NSG1: variants seen among roughly 807,000 people sequenced by gnomAD.
NSG1 encodes neuronal vesicle trafficking-associated protein 1.
Under a neutral mutation model 19.3 loss-of-function variants are expected in NSG1, and 9 were observed. The observed-to-expected ratio is 0.47, with a 90% CI of 0.28 to 0.81. The LOEUF (loss-of-function observed/expected upper bound fraction) is 0.81. NSG1 is among the 40% of genes least tolerant of loss of function. The pLI is 0.11. For missense variants in NSG1, 236 were observed against 242.4 expected, an observed-to-expected ratio of 0.97 and a Z score of 0.18; for synonymous variants, 104 against 107.0, an observed-to-expected ratio of 0.97 and a Z score of 0.17.
chr4:4,413,872 G>T (rs1271595170), intron 4 of NSG1, among the ~76,000 whole-genome samples: 1 of 151,952 alleles, frequency 6.6e-6, no homozygotes, highest in African/African-American at 2.4e-5. Context: ...GCAGACTGGA[G>T]AACTGATTTA....
intron 3 of NSG1, among the ~76,000 whole-genome samples, chr4:4,406,853 G>T (rs1458787347): frequency 6.6e-6 from 1 of 152,320 alleles, no homozygotes; most frequent in South Asian, 2.1e-4. Flanking sequence ...CAGGGCTTGC[G>T]GCTATCATCG....
chr4:4,402,047 ATTTTTTTTT>A (rs35299425), intron 3 of NSG1, among the ~76,000 whole-genome samples: 8 of 122,310 alleles, frequency 6.5e-5, no homozygotes, highest in South Asian at 2.7e-4. Flanking sequence ...TGCCCAGCTA[ATTTTTTTTT>A]TTTTTTTTTT....
In NSG1 at chr4:4,418,582, A is replaced by G. The variant is rs1724723337; in HGVS notation, c.*1147A>G. On this transcript the variant is annotated 3_prime_UTR_variant, in exon 5 of 5. Transcript: ENST00000621129. ...GATGAACTAAGTGTGTAAAACAAAT[A>G]GAAAAGACATTCGCAGACATTTCTT... The G allele has an allele frequency of 6.5e-6, 1 of 152,678 alleles. No individual in the cohort carries two copies. Among genetic ancestry groups the G allele is most frequent in the South Asian group, 2.1e-4 (1 of 4,830 alleles). The allele number at this position is 152,678 out of a possible 1,614,324, so 9.5% of individuals were successfully genotyped here.
In NSG1 at chr4:4,409,624, C is replaced by T. The variant is rs897962872; in HGVS notation, c.298C>T (p.Leu100=). The T allele has an allele frequency of 6.2e-7, 1 of 1,614,056 alleles. No individual in the cohort carries two copies. The stretch of plus-strand genomic sequence containing the variant: ...GGCCTTCCTCACCTGCGTCGTCTTC[C>T]TGGTTGTCTACAAGGTGTACAAGTA... ...ALAFLTCVVF[L]VVYKVYKYDR... The change falls in exon 4 of 5, where the codon CTG becomes TTG. Residue 100 remains leucine (L), a synonymous_variant. Transcript: ENST00000621129.
chr4:4,407,996 C>T (rs1053430690), intron 3 of NSG1, among the ~76,000 whole-genome samples: 1 of 152,126 alleles, frequency 6.6e-6, no homozygotes, highest in Non-Finnish European at 1.5e-5. Context: ...GACCATGCTG[C>T]ACGGCTGATA....
chr4:4,389,288 A>T (rs1722883073), intron 2 of NSG1, among the ~76,000 whole-genome samples: 1 of 152,200 alleles, frequency 6.6e-6, no homozygotes, highest in African/African-American at 2.4e-5. Flanking sequence ...GTCGACCAGG[A>T]GTAGCCTAGG....
chr4:4,402,536 C>A (rs926989320), intron 3 of NSG1, among the ~76,000 whole-genome samples: 1 of 151,564 alleles, frequency 6.6e-6, no homozygotes, highest in Non-Finnish European at 1.5e-5. Context: ...TACAGGCGTC[C>A]GCCACTACAC....
intron 4 of NSG1, among the ~76,000 whole-genome samples, chr4:4,415,503 C>T (rs899231528): frequency 2.6e-5 from 4 of 152,118 alleles, no homozygotes; most frequent in African/African-American, 7.2e-5. Flanking sequence ...CCCATGTGGG[C>T]TCACGGCAAG....
At chr4:4,403,559 C>G (rs1458809498) in intron 3 of NSG1, among the ~76,000 whole-genome samples, 1 of 152,182 alleles carries the variant, frequency 6.6e-6, no homozygotes, top group Non-Finnish European at 1.5e-5. Context: ...CCTTTAGAGC[C>G]CACCTAATCA....
chr4:4,414,649 G>T (rs1724417424), intron 4 of NSG1, among the ~76,000 whole-genome samples: 1 of 152,216 alleles, frequency 6.6e-6, no homozygotes, highest in Non-Finnish European at 1.5e-5. Context: ...GAAGCCCTTT[G>T]AGGTGGATGC....
chr4:4,404,533 G>T (rs149344595), intron 3 of NSG1, among the ~76,000 whole-genome samples: 1 of 152,208 alleles, frequency 6.6e-6, no homozygotes, highest in Non-Finnish European at 1.5e-5. Context: ...TGGCTAGTTC[G>T]TCCATCAAGT....
intron 3 of NSG1, among the ~76,000 whole-genome samples, chr4:4,396,159 C>T (rs1040170895): frequency 6.6e-6 from 1 of 152,236 alleles, no homozygotes; most frequent in Non-Finnish European, 1.5e-5. Flanking sequence ...AGATGTTTCT[C>T]AACCAAACCT....
intron 4 of NSG1, among the ~76,000 whole-genome samples, chr4:4,415,306 C>T (rs534648011): frequency 3.3e-5 from 5 of 152,286 alleles, no homozygotes; most frequent in East Asian, 1.9e-4. Flanking sequence ...AAGACAGGTC[C>T]GTCATCAGCT....
At chr4:4,388,546 T>C (rs538205343) in intron 2 of NSG1, among the ~76,000 whole-genome samples, 2 of 152,384 alleles carry the variant, frequency 1.3e-5, no homozygotes, top group East Asian at 3.9e-4. Context: ...AATTGTACTG[T>C]AAAATTCACA....
chr4:4,395,169 TG>T (rs1560140330), intron 3 of NSG1, among the ~76,000 whole-genome samples: 1 of 152,178 alleles, frequency 6.6e-6, no homozygotes, highest in East Asian at 1.9e-4. Context: ...CCTGCCCACT[TG>T]CTGTGGGGTG....
chr4:4,391,442 A>T (rs1178097025), intron 2 of NSG1, 33 bp from the exon 3 acceptor site: 1 of 1,489,242 alleles, frequency 6.7e-7, no homozygotes, highest in African/African-American at 1.4e-5. Context: ...GTCTGAATGC[A>T]TCTGACTTTT....
Position 4,417,331 on chromosome 4 carries a change from C to T in NSG1, c.454C>T (p.Leu152=). 1 of 1,614,164 alleles carries T rather than the reference C, an allele frequency of 6.2e-7. No individual in the cohort carries two copies. The highest frequency in any genetic ancestry group is 8.5e-7 in the Non-Finnish European group (1 of 1,180,034). The change falls in exon 5 of 5, where the codon CTG becomes TTG. Residue 152 remains leucine (L), a synonymous_variant. Coordinates refer to ENST00000621129, the MANE Select transcript of NSG1 (RefSeq NM_014392.5). The part of the protein sequence containing the change: ...KFYTVINHYN[L]AKQSITRSVS... ...TTACACAGTCATAAACCACTACAAC[C>T]TGGCCAAGCAGAGCATCACGCGCTC...
At chr4:4,391,322 AGAG>A (rs1427488352) in intron 2 of NSG1, among the ~76,000 whole-genome samples, 150 bp from the exon 3 acceptor site, 2 of 152,252 alleles carry the variant, frequency 1.3e-5, no homozygotes, top group Non-Finnish European at 2.9e-5. Flanking sequence ...GTCCTGCCAC[AGAG>A]GAGATTTCCA....
intron 4 of NSG1, chr4:4,415,850 G>A (rs867955652): frequency 2.0e-6 from 1 of 494,996 alleles, no homozygotes. Context: ...AGGACAGCGT[G>A]AAGGGGCGTG....
Sources: allele counts gnomAD v4.1 joint callset (sites outside exome capture counted in the v4.1 genomes callset), GRCh38; gene constraint gnomAD v4.1.1; transcripts MANE v1.5; gene names NCBI Gene and HGNC (gene_info 2026-07-23, HGNC 2026-07-21).